The following HSD17B12 variants were observed in gnomAD, a reference collection of about 807,000 sequenced individuals.
The protein encoded by HSD17B12 is hydroxysteroid 17-beta dehydrogenase 12.
A neutral mutation model predicts 39.3 loss-of-function variants in HSD17B12; 32 were observed. The ratio of observed to expected loss-of-function variants is 0.81; its 90% confidence interval spans 0.61 to 1.09. The LOEUF is 1.09. Among genes scored for constraint, HSD17B12 ranks in the 50% least tolerant of loss-of-function variants. The probability of loss-of-function intolerance (pLI) is 0.00; values close to 1 mark genes in which losing one functional copy is unlikely to be tolerated. For synonymous variants in HSD17B12, 150 were observed against 146.7 expected, an observed-to-expected ratio of 1.02 and a Z score of -0.16; for missense variants, 342 against 382.9, an observed-to-expected ratio of 0.89 and a Z score of 0.89.
At chr11:43,784,501 C>T (rs1033004888) in intron 3 of HSD17B12, among the ~76,000 whole-genome samples, 1 of 151,716 alleles carries the variant, frequency 6.6e-6, no homozygotes, top group Non-Finnish European at 1.5e-5. Flanking sequence ...CTTCCTTATT[C>T]CCCCCTTGGA....
chr11:43,768,891 T>G (rs532389726), intron 3 of HSD17B12, among the ~76,000 whole-genome samples: 5 of 152,294 alleles, frequency 3.3e-5, no homozygotes, highest in African/African-American at 9.6e-5. Flanking sequence ...TGGTCCATTT[T>G]TACAGAATGC....
intron 1 of HSD17B12, among the ~76,000 whole-genome samples, chr11:43,715,038 G>T (rs1950107863): frequency 6.6e-6 from 1 of 152,168 alleles, no homozygotes; most frequent in Non-Finnish European, 1.5e-5. Flanking sequence ...AGACGATGGG[G>T]TTTTCTAGAT....
intron 1 of HSD17B12, among the ~76,000 whole-genome samples, chr11:43,711,248 G>A (rs963970352): frequency 1.3e-5 from 2 of 152,096 alleles, no homozygotes; most frequent in African/African-American, 4.8e-5. Flanking sequence ...CCTACTTCAT[G>A]CATATAAAAT....
At chr11:43,842,559 A>T (rs751013047) in intron 9 of HSD17B12, among the ~76,000 whole-genome samples, 1 of 152,188 alleles carries the variant, frequency 6.6e-6, no homozygotes, top group African/African-American at 2.4e-5. Flanking sequence ...CAGTCATTTT[A>T]ATGTTAGTAA....
intron 1 of HSD17B12, among the ~76,000 whole-genome samples, chr11:43,737,453 G>A (rs1220350525): frequency 6.6e-6 from 1 of 152,228 alleles, no homozygotes; most frequent in African/African-American, 2.4e-5. Context: ...ACTTCTGGAT[G>A]CCAAGTTGGG....
chr11:43,590,926 T>A, the HSD17B12 span, among the ~76,000 whole-genome samples: 3 of 151,442 alleles, frequency 2.0e-5, no homozygotes, highest in Admixed American at 2.0e-4. Flanking sequence ...AATGAAATTA[T>A]CAGGAAAATT....
At chr11:43,648,078 T>C in the HSD17B12 span, among the ~76,000 whole-genome samples, 1 of 150,052 alleles carries the variant, frequency 6.7e-6, no homozygotes, top group African/African-American at 2.5e-5. Context: ...TCCTACCAGT[T>C]AAAGGATTCT....
intron 3 of HSD17B12, among the ~76,000 whole-genome samples, chr11:43,780,227 G>A (rs1017744112): frequency 7.2e-5 from 11 of 152,172 alleles, no homozygotes; most frequent in Admixed American, 3.3e-4. Context: ...GTGCAATGGC[G>A]TGTTCTCAGC....
chr11:43,772,852 T>C (rs974528099), intron 3 of HSD17B12, among the ~76,000 whole-genome samples: 3 of 152,200 alleles, frequency 2.0e-5, no homozygotes, highest in Non-Finnish European at 4.4e-5. Context: ...GGCTCACCCC[T>C]GTAGTCTCAG....
intron 3 of HSD17B12, among the ~76,000 whole-genome samples, chr11:43,765,051 G>C (rs1348642032): frequency 6.6e-6 from 1 of 151,540 alleles, no homozygotes; most frequent in Non-Finnish European, 1.5e-5. Flanking sequence ...TCCTCGGTTT[G>C]CTGACTGTAT....
chr11:43,739,773 C>T (rs764680643), intron 1 of HSD17B12, among the ~76,000 whole-genome samples: 3 of 152,040 alleles, frequency 2.0e-5, no homozygotes, highest in South Asian at 2.1e-4. Flanking sequence ...AGAACATTTT[C>T]GAAGAGAAAG....
At chr11:43,570,812 C>T in the HSD17B12 span, among the ~76,000 whole-genome samples, 1 of 152,144 alleles carries the variant, frequency 6.6e-6, no homozygotes, top group African/African-American at 2.4e-5. Flanking sequence ...CTCCCCTCCC[C>T]TTTTCTTTCT....
chr11:43,781,626 C>T (rs1201853781), intron 3 of HSD17B12, among the ~76,000 whole-genome samples: 1 of 152,010 alleles, frequency 6.6e-6, no homozygotes, highest in South Asian at 2.1e-4. Context: ...AATGGTAAAA[C>T]GTTTATTCCT....
the HSD17B12 span, among the ~76,000 whole-genome samples, chr11:43,576,775 T>G: frequency 6.6e-6 from 1 of 152,062 alleles, no homozygotes; most frequent in Non-Finnish European, 1.5e-5. Context: ...CGTGTGTATG[T>G]GTATAATGAA....
the HSD17B12 span, among the ~76,000 whole-genome samples, chr11:43,652,442 G>A: frequency 6.6e-6 from 1 of 152,086 alleles, no homozygotes; most frequent in Non-Finnish European, 1.5e-5. Flanking sequence ...GGCACCAGCT[G>A]GGTGTCTTCC....
chr11:43,721,711 C>T (rs1393341893), intron 1 of HSD17B12, among the ~76,000 whole-genome samples: 2 of 151,922 alleles, frequency 1.3e-5, no homozygotes, highest in Non-Finnish European at 2.9e-5. Context: ...AAAGGCAAAG[C>T]CGAGAGTATA....
At chr11:43,718,296 A>G (rs913230743) in intron 1 of HSD17B12, among the ~76,000 whole-genome samples, 2 of 152,148 alleles carry the variant, frequency 1.3e-5, no homozygotes, top group Non-Finnish European at 2.9e-5. Flanking sequence ...ATCAATTCAC[A>G]TTTCTTCCAC....
At chr11:43,630,263 C>T in the HSD17B12 span, among the ~76,000 whole-genome samples, 2 of 152,124 alleles carry the variant, frequency 1.3e-5, no homozygotes, top group African/African-American at 4.8e-5. Context: ...AAATCATTTC[C>T]TTTCTCTGGA....
chr11:43,686,034 A>G (rs1284195875), intron 1 of HSD17B12, among the ~76,000 whole-genome samples: 1 of 152,232 alleles, frequency 6.6e-6, no homozygotes, highest in Non-Finnish European at 1.5e-5. Context: ...AACAAAGCAA[A>G]GGGTTTGACA....
Sources: gnomAD v4.1 joint callset for allele counts (sites outside exome capture counted in the v4.1 genomes callset) on GRCh38, gnomAD v4.1.1 for gene constraint, MANE v1.5 for transcripts, NCBI Gene and HGNC (gene_info 2026-07-23, HGNC 2026-07-21) for gene names.